Variants in SDK2 observed in about 807,000 individuals in gnomAD.
SDK2 encodes the protein protein sidekick-2.
In SDK2, 105 loss-of-function variants were observed where a neutral mutation model predicts 253.9. The ratio of observed to expected loss-of-function variants is 0.41; its 90% CI spans 0.35 to 0.49. SDK2 has a LOEUF of 0.49. Ranked by LOEUF, SDK2 falls within the 20% of genes least tolerant of loss-of-function variation. The pLI is 0.06. For synonymous variants in SDK2, 1,249 were observed against 1,234.9 expected (o/e 1.01, Z -0.24); for missense variants, 2,608 against 3,003.0 (o/e 0.87, Z 3.07).
chr17:73,639,345 C>G lies in SDK2; in HGVS notation c.64+4680G>C, dbSNP rs1478866495. ...GACAAGCCCTGCAGTCCCCTCTCTC[C>G]CTTCCCCCGGGGATGCTGAGCATCC... On this transcript the variant is annotated intron_variant, in intron 1 of 44. Transcript: ENST00000392650. The surrounding 1 kb of genome is among the most constrained non-coding windows in gnomAD (Gnocchi z 4.3). Among the ~76,000 whole-genome samples, 1 of 152,156 alleles carries G rather than the reference C, an allele frequency of 6.6e-6. No homozygotes were observed. The highest frequency in any genetic ancestry group is 1.5e-5 in the Non-Finnish European group (1 of 68,000).
chr17:73,571,598 G>GCTGT (rs1434071433), intron 1 of SDK2, among the ~76,000 whole-genome samples: 4 of 152,204 alleles, frequency 2.6e-5, no homozygotes. Context: ...AGCTCACTTA[G>GCTGT]CTGTAAACAG....
chr17:73,424,819 G>A (rs983764646), intron 12 of SDK2, among the ~76,000 whole-genome samples: 4 of 152,324 alleles, frequency 2.6e-5, no homozygotes, highest in African/African-American at 9.6e-5. Flanking sequence ...CCGTTCAGCT[G>A]GGGTACAGGG....
chr17:73,595,775 C>A (rs897263173), intron 1 of SDK2, among the ~76,000 whole-genome samples: 1 of 152,144 alleles, frequency 6.6e-6, no homozygotes, highest in Non-Finnish European at 1.5e-5. Flanking sequence ...CCACTCCTCA[C>A]CGGCAGGCCC....
At chr17:73,563,305 G>T (rs1294966730) in intron 1 of SDK2, among the ~76,000 whole-genome samples, 1 of 152,226 alleles carries the variant, frequency 6.6e-6, no homozygotes, top group Non-Finnish European at 1.5e-5. Context: ...TGGGTGCAGT[G>T]ACTTACACCT....
At chr17:73,627,572 C>T (rs939448386) in intron 1 of SDK2, among the ~76,000 whole-genome samples, 6 of 152,168 alleles carry the variant, frequency 3.9e-5, no homozygotes, top group African/African-American at 1.4e-4. Flanking sequence ...GCCAAGGGTG[C>T]CCAGGTTGGC....
At chr17:73,566,100 C>T (rs763804908) in intron 1 of SDK2, among the ~76,000 whole-genome samples, 5 of 152,168 alleles carry the variant, frequency 3.3e-5, no homozygotes, top group Non-Finnish European at 5.9e-5. Flanking sequence ...GGATTACAGG[C>T]GTGAGGCACT....
chr17:73,485,856 G>C (rs954652024), intron 2 of SDK2, among the ~76,000 whole-genome samples: 6 of 152,212 alleles, frequency 3.9e-5, no homozygotes, highest in Non-Finnish European at 5.9e-5. Context: ...AACATTCACT[G>C]TCTGTCCTGG....
In SDK2 at chr17:73,401,106, G is replaced by T; in HGVS notation, c.2885C>A (p.Thr962Asn). The change falls in exon 21 of 45, where the codon ACC becomes AAC. Residue 962 changes from threonine to asparagine, a missense_variant. Thr to Asn is a moderately conservative substitution (Grantham distance 65). This residue lies in a region of SDK2 where 1,505 missense variants were observed against 1,859.1 expected (regional missense o/e 0.81). Transcript: ENST00000392650. ...GGCGGCCACCTCGATGGTGTAGGTG[G>T]TGAGCGCGGTGAGGCCCGTGACACG... The part of the protein sequence containing the change: ...EYRVTGLTAL[T>N]TYTIEVAAMT... The T allele has an allele frequency of 1.3e-6, 2 of 1,564,776 alleles. No homozygotes were observed. Among genetic ancestry groups the T allele is most frequent in the South Asian group, 1.2e-5 (1 of 84,788 alleles).
intron 1 of SDK2, among the ~76,000 whole-genome samples, chr17:73,528,272 T>C (rs2064141891): frequency 6.6e-6 from 1 of 152,144 alleles, no homozygotes; most frequent in African/African-American, 2.4e-5. Context: ...CTTTGCTGAG[T>C]ACATCTCCAA....
chr17:73,468,268 C>T (rs1041297041), intron 3 of SDK2, among the ~76,000 whole-genome samples: 1 of 152,188 alleles, frequency 6.6e-6, no homozygotes, highest in East Asian at 1.9e-4. Context: ...GTATTAATTG[C>T]AGCAGTCACT....
intron 16 of SDK2, among the ~76,000 whole-genome samples, chr17:73,417,710 A>T (rs2063194216): frequency 6.6e-6 from 1 of 152,094 alleles, no homozygotes; most frequent in Non-Finnish European, 1.5e-5. Flanking sequence ...CCTCTAGGAT[A>T]CAAGGCTCCC....
intron 40 of SDK2, chr17:73,357,844 A>G: frequency 1.5e-6 from 1 of 655,574 alleles, no homozygotes; most frequent in Middle Eastern, 2.5e-4. Flanking sequence ...GCTGGTCCTC[A>G]GTTAGCACTA....
At position 73,481,188 on chromosome 17, in the gene SDK2, G is replaced by T. The variant is rs187307219; in HGVS notation, c.225-8970C>A. ...CGGGGTTCCAGAATCCTTGGAAGGTGGGGGAGGGCCCTGGACTTGTCCCCT... is the reference window on the plus strand; with the variant it reads ...CGGGGTTCCAGAATCCTTGGAAGGTTGGGGAGGGCCCTGGACTTGTCCCCT... On this transcript the variant is annotated intron_variant, in intron 2 of 44. Transcript: ENST00000392650. The surrounding 1 kb of genome is among the most constrained non-coding windows in gnomAD (Gnocchi z 4.5). Among the ~76,000 whole-genome samples, 2 of 152,154 alleles carry T rather than the reference G, an allele frequency of 1.3e-5. No individual in the cohort carries two copies. The highest frequency in any genetic ancestry group is 2.4e-5 in the African/African-American group (1 of 41,434).
In SDK2 at chr17:73,507,454, A is replaced by G. The variant is rs1363176628; in HGVS notation, c.208T>C (p.Phe70Leu). 6 of 1,551,230 alleles carry G rather than the reference A, an allele frequency of 3.9e-6. No individual in the cohort carries two copies. In the South Asian group the frequency reaches 7.1e-5, roughly 18 times the overall value. ...GCAGTTTACCTGTATTCCAGGGAGAACTTGGTCAGCTCCCTGTTGTTGTGG... is the reference window on the plus strand; with the variant it reads ...GCAGTTTACCTGTATTCCAGGGAGAGCTTGGTCAGCTCCCTGTTGTTGTGG... ...WLHNNRELTK[F>L]SLEYRYMITS... is the part of the protein sequence containing the mutation. The change falls in exon 2 of 45, where the codon TTC (phenylalanine) becomes CTC (leucine). Residue 70 changes from phenylalanine (F) to leucine (L), a missense_variant. Physicochemically the swap from Phe to Leu is conservative, Grantham distance 22 (BLOSUM62 0). Coordinates refer to ENST00000392650, the MANE Select transcript of SDK2 (RefSeq NM_001144952.2).
intron 12 of SDK2, among the ~76,000 whole-genome samples, chr17:73,429,666 T>C (rs1377390481): frequency 6.6e-6 from 1 of 152,226 alleles, no homozygotes; most frequent in Non-Finnish European, 1.5e-5. Context: ...GCTTTGACAG[T>C]GATATTGCTC....
chr17:73,452,040 G>T (rs1297513650), intron 4 of SDK2, among the ~76,000 whole-genome samples: 1 of 151,210 alleles, frequency 6.6e-6, no homozygotes, highest in Non-Finnish European at 1.5e-5. Context: ...TCCCCCCACT[G>T]CTCCTGTTAA....
chr17:73,399,383 C>T (rs1447622016), intron 21 of SDK2, 94 bp from the exon 22 acceptor site: 28 of 1,335,100 alleles, frequency 2.1e-5, no homozygotes, highest in South Asian at 5.2e-5. Flanking sequence ...CTGTGTGTCA[C>T]GCTTTTCCTG....
rs1472724906 is a variant in SDK2, at chr17:73,629,777, A to G, written c.64+14248T>C. On this transcript the variant is annotated intron_variant, in intron 1 of 44. Coordinates refer to ENST00000392650, the MANE Select transcript of SDK2 (RefSeq NM_001144952.2). The surrounding 1 kb of genome is among the most constrained non-coding windows in gnomAD (Gnocchi z 5.0). ...GGATCCTGGGCACCTCACTTAGTAT[A>G]CAGATGGTGCTTAGTAAGTGCATGA... Among the ~76,000 whole-genome samples, 1 of 152,144 alleles carries G rather than the reference A, an allele frequency of 6.6e-6. No individual in the cohort carries two copies. The highest frequency in any genetic ancestry group is 2.4e-5 in the African/African-American group (1 of 41,410).
intron 12 of SDK2, among the ~76,000 whole-genome samples, chr17:73,428,775 A>G (rs900477552): frequency 3.1e-4 from 47 of 152,256 alleles, no homozygotes; most frequent in African/African-American, 1.1e-3. Flanking sequence ...CCCCCAGTCC[A>G]AGGAAGACAG....
Sources: allele counts gnomAD v4.1 joint callset (sites outside exome capture counted in the v4.1 genomes callset), GRCh38; gene constraint gnomAD v4.1.1; regional missense constraint gnomAD v4.1.1; non-coding constraint Gnocchi (gnomAD v3.1); transcripts MANE v1.5; gene names NCBI Gene and HGNC (gene_info 2026-07-23, HGNC 2026-07-21).